SMG6: variants seen among roughly 807,000 people sequenced by gnomAD.
SMG6 encodes telomerase-binding protein EST1A.
Under a neutral mutation model 142.2 loss-of-function variants are expected in SMG6, and 66 were observed. The observed-to-expected ratio is 0.46, with a 90% confidence interval of 0.38 to 0.57. The LOEUF (loss-of-function observed/expected upper bound fraction) is 0.57, where lower values mean the gene tolerates loss of function less well. SMG6 is among the 20% of genes least tolerant of loss of function. The probability of loss-of-function intolerance (pLI) is 0.00; values close to 1 mark genes in which losing one functional copy is unlikely to be tolerated. For missense variants in SMG6, 1,793 were observed against 1,832.0 expected (o/e 0.98, Z 0.39); for synonymous variants, 779 against 702.4 (o/e 1.11, Z -1.72).
At chr17:2,290,296 G>T (rs935299517) in intron 6 of SMG6, among the ~76,000 whole-genome samples, 7 of 152,174 alleles carry the variant, frequency 4.6e-5, no homozygotes, top group African/African-American at 1.7e-4. Flanking sequence ...AGAGAGGCCA[G>T]AAATAAACTT....
intron 10 of SMG6, among the ~76,000 whole-genome samples, chr17:2,188,930 T>C (rs1288469342): frequency 1.5e-4 from 23 of 152,170 alleles, no homozygotes; most frequent in Non-Finnish European, 1.5e-5. Flanking sequence ...AATACACATT[T>C]AAAAATGATC....
At chr17:2,281,612 C>T (rs1333336417) in intron 8 of SMG6, among the ~76,000 whole-genome samples, 2 of 152,188 alleles carry the variant, frequency 1.3e-5, no homozygotes, top group Admixed American at 1.3e-4. Flanking sequence ...TAGTCTTACT[C>T]TTCTCCAAAC....
At chr17:2,152,653 T>C (rs769046877) in intron 13 of SMG6, among the ~76,000 whole-genome samples, 1 of 152,140 alleles carries the variant, frequency 6.6e-6, no homozygotes, top group Non-Finnish European at 1.5e-5. Flanking sequence ...AGGTACCTAG[T>C]ATAATTATTA....
intron 13 of SMG6, among the ~76,000 whole-genome samples, chr17:2,155,463 T>C (rs959149004): frequency 1.3e-5 from 2 of 152,178 alleles, no homozygotes; most frequent in Admixed American, 6.5e-5. Flanking sequence ...ATGATGAGGA[T>C]AGCCACCTCC....
chr17:2,140,542 C>T (rs564699201), intron 13 of SMG6, among the ~76,000 whole-genome samples: 12 of 151,966 alleles, frequency 7.9e-5, no homozygotes, highest in African/African-American at 1.9e-4. Context: ...TGTGGTAGCA[C>T]GCACCTGTTG....
chr17:2,250,209 C>T (rs747206754), intron 8 of SMG6, among the ~76,000 whole-genome samples: 4 of 152,036 alleles, frequency 2.6e-5, no homozygotes, highest in African/African-American at 9.7e-5. Context: ...ATTTCAGTTC[C>T]GAAAGAGTCG....
chr17:2,160,406 A>G (rs573354556), intron 13 of SMG6, among the ~76,000 whole-genome samples: 11 of 152,088 alleles, frequency 7.2e-5, no homozygotes, highest in Non-Finnish European at 1.6e-4. Context: ...TTTAGTAGAG[A>G]CAGGGTTTCA....
chr17:2,133,865 T>C (rs978692259), intron 13 of SMG6, among the ~76,000 whole-genome samples: 4 of 152,206 alleles, frequency 2.6e-5, no homozygotes, highest in Non-Finnish European at 5.9e-5. Context: ...TCTTCCTCCA[T>C]TAAGCTGCCT....
At chr17:2,064,822 G>C (rs2067890874) in intron 18 of SMG6, among the ~76,000 whole-genome samples, 1 of 151,716 alleles carries the variant, frequency 6.6e-6, no homozygotes, top group African/African-American at 2.4e-5. Flanking sequence ...GCGGGGTGAA[G>C]AACCTCGCGG....
At chr17:2,270,437 C>T (rs887785347) in intron 8 of SMG6, among the ~76,000 whole-genome samples, 1 of 151,846 alleles carries the variant, frequency 6.6e-6, no homozygotes, top group Non-Finnish European at 1.5e-5. Flanking sequence ...CGAGACCCTT[C>T]CTCTATGAAA....
intron 8 of SMG6, among the ~76,000 whole-genome samples, chr17:2,245,305 CAGT>C (rs1431904558): frequency 8.5e-5 from 13 of 152,216 alleles, no homozygotes; most frequent in African/African-American, 3.1e-4. Context: ...CTGATGGAGA[CAGT>C]AGCAAGCTAT....
intron 10 of SMG6, among the ~76,000 whole-genome samples, chr17:2,216,863 T>C (rs974598119): frequency 2.6e-4 from 39 of 152,216 alleles, no homozygotes; most frequent in South Asian, 4.1e-4. Context: ...TTGTTAGTTC[T>C]TCTGGAATGC....
intron 11 of SMG6, among the ~76,000 whole-genome samples, chr17:2,187,662 T>C (rs2072032604): frequency 6.6e-6 from 1 of 152,024 alleles, no homozygotes; most frequent in South Asian, 2.1e-4. Context: ...GTGAAGGGTA[T>C]GTAAGAGTTC....
intron 8 of SMG6, among the ~76,000 whole-genome samples, chr17:2,250,422 C>G (rs1431631371): frequency 6.6e-6 from 1 of 150,540 alleles, no homozygotes; most frequent in Non-Finnish European, 1.5e-5. Flanking sequence ...GGGTCTCACT[C>G]TGTCACCCAG....
At chr17:2,066,254 G>A (rs1437083362) in intron 16 of SMG6, among the ~76,000 whole-genome samples, 2 of 152,116 alleles carry the variant, frequency 1.3e-5, no homozygotes, top group African/African-American at 2.4e-5. Flanking sequence ...ACGTGTGTGT[G>A]TGCGCGCACG....
intron 10 of SMG6, chr17:2,214,459 G>C (rs958269172): frequency 6.6e-6 from 1 of 151,716 alleles, no homozygotes; most frequent in African/African-American, 2.4e-5. Flanking sequence ...GGACGGCAAC[G>C]GCTTCTCGGC....
In SMG6 at chr17:2,299,985, C is replaced by T. The variant is rs763964276; in HGVS notation, c.768G>A (p.Thr256=). ...TGCTGCCAGCTGAGCTGGTGCTGCG[C>T]GTGCGGTAGCGATTCCTTCGTTTGT... ...RSDKRRNRYR[T]RSTSSAGSNN... The change falls in exon 2 of 19, where the codon ACG becomes ACA. Residue 256 remains threonine (T), a synonymous_variant. Transcript: ENST00000263073. This position sits in a 1 kb window ranked among gnomAD's most constrained non-coding sequence, Gnocchi z 4.3. The T allele has an allele frequency of 5.0e-6, 8 of 1,614,074 alleles. No individual in the cohort carries two copies. The East Asian group carries it at 6.7e-5, about 13-fold the overall frequency.
intron 8 of SMG6, among the ~76,000 whole-genome samples, chr17:2,266,756 G>C (rs1385548473): frequency 2.0e-5 from 3 of 152,216 alleles, no homozygotes; most frequent in African/African-American, 4.8e-5. Flanking sequence ...GGGGCATTAA[G>C]GGTTTATAGG....
At chr17:2,217,213 AT>A in intron 10 of SMG6, among the ~76,000 whole-genome samples, 1 of 152,250 alleles carries the variant, frequency 6.6e-6, no homozygotes, top group African/African-American at 2.4e-5. Flanking sequence ...TATCATTATA[AT>A]TTTTAAAAAT....
Sources: allele counts gnomAD v4.1 joint callset (sites outside exome capture counted in the v4.1 genomes callset), GRCh38; gene constraint gnomAD v4.1.1; non-coding constraint Gnocchi (gnomAD v3.1); transcripts MANE v1.5; gene names NCBI Gene and HGNC (gene_info 2026-07-23, HGNC 2026-07-21).